Variants in SPPL3 observed in about 807,000 individuals in gnomAD.
The protein encoded by SPPL3 is signal peptide peptidase like 3.
Under a neutral mutation model 42.4 loss-of-function variants are expected in SPPL3, and 5 were observed. That is an observed-to-expected ratio of 0.12 (90% confidence interval 0.06 to 0.25). The LOEUF (loss-of-function observed/expected upper bound fraction) is 0.25. SPPL3 is among the 10% of genes least tolerant of loss of function. The probability of loss-of-function intolerance (pLI) is 1.00; values close to 1 mark genes in which losing one functional copy is unlikely to be tolerated. For missense variants in SPPL3, 235 were observed against 489.0 expected (o/e 0.48, Z 4.90); for synonymous variants, 195 against 181.8 (o/e 1.07, Z -0.58).
Position 120,766,194 on chromosome 12 carries a change from G to A in SPPL3, c.1083+69C>T, listed in dbSNP as rs544710836. 3.4e-5 allele frequency: 44 copies of A among 1,289,200 alleles called. 1 individual carries two copies. In the African/African-American group the frequency reaches 5.9e-4, roughly 17 times the overall value. 79.9% of individuals were successfully genotyped at this position (1,289,200 alleles called of 1,614,324 possible). On this transcript the variant is annotated intron_variant, in intron 10 of 10. Coordinates refer to ENST00000353487, the MANE Select transcript of SPPL3 (RefSeq NM_139015.5). The stretch of plus-strand genomic sequence containing the variant: ...CTTAAGCAGAATCACCTCCAGCGAG[G>A]AGAGTGCAAACCGAGGCACAGGCCA...
intron 2 of SPPL3, among the ~76,000 whole-genome samples, chr12:120,797,349 TTC>T (rs1592967370): frequency 6.6e-6 from 1 of 152,122 alleles, no homozygotes; most frequent in African/African-American, 2.4e-5. Flanking sequence ...TCAGAAATCT[TTC>T]TCTCTGCACC....
intron 3 of SPPL3, among the ~76,000 whole-genome samples, chr12:120,788,895 T>A (rs955162363): frequency 6.6e-6 from 1 of 152,250 alleles, no homozygotes. Flanking sequence ...TCTCTGTTCA[T>A]CTTTCTGGCT....
At chr12:120,843,373 C>T (rs888891036) in intron 1 of SPPL3, among the ~76,000 whole-genome samples, 2 of 152,192 alleles carry the variant, frequency 1.3e-5, no homozygotes, top group African/African-American at 4.8e-5. Flanking sequence ...ATCTACTCTA[C>T]TGAGAATGTG....
At chr12:120,797,973 T>G (rs1185815355) in intron 2 of SPPL3, among the ~76,000 whole-genome samples, 1 of 152,118 alleles carries the variant, frequency 6.6e-6, no homozygotes, top group African/African-American at 2.4e-5. Flanking sequence ...AAGCCTCAAT[T>G]AGAATGGGGG....
intron 1 of SPPL3, among the ~76,000 whole-genome samples, chr12:120,821,134 TG>T (rs1871053955): frequency 6.6e-6 from 1 of 152,242 alleles, no homozygotes; most frequent in Non-Finnish European, 1.5e-5. Context: ...AAAGATGATC[TG>T]GAGTAATTTT....
chr12:120,899,320 A>T (rs946063855), intron 1 of SPPL3, among the ~76,000 whole-genome samples: 1 of 152,188 alleles, frequency 6.6e-6, no homozygotes, highest in Non-Finnish European at 1.5e-5. Flanking sequence ...CTCTTTGATA[A>T]GTACTTGGGT....
chr12:120,802,379 GTATATATATACACATATA>G (rs1356181253), intron 2 of SPPL3, among the ~76,000 whole-genome samples: 32 of 130,698 alleles, frequency 2.4e-4, no homozygotes, highest in African/African-American at 6.5e-4. Flanking sequence ...ACATATATAT[GTATATATATACACATATA>G]TGTGTGTGTG....
chr12:120,854,640 T>C (rs1355794579), intron 1 of SPPL3, among the ~76,000 whole-genome samples: 2 of 152,208 alleles, frequency 1.3e-5, no homozygotes, highest in African/African-American at 4.8e-5. Context: ...TTAATAATAC[T>C]AAAAAGATTT....
rs370559913 is a variant in SPPL3 at position 120,762,844 on chromosome 12, G to C, written c.*2155C>G. On this transcript the variant is annotated 3_prime_UTR_variant, in exon 11 of 11. Coordinates refer to ENST00000353487, the MANE Select transcript of SPPL3 (RefSeq NM_139015.5). ...CCCAACCTTGTGATCCACCTGCCTC[G>C]GCCTCCCAAAGTGCTGGGATTACAG... The C allele has an allele frequency of 7.2e-5, 11 of 152,144 alleles. No homozygotes were observed. In the East Asian group the frequency reaches 2.1e-3, roughly 29 times the overall value. 9.4% of individuals were successfully genotyped at this position (152,144 alleles called of 1,614,324 possible).
At chr12:120,791,815 T>C (rs1869926007) in intron 2 of SPPL3, 1 of 383,056 alleles carries the variant, frequency 2.6e-6, no homozygotes, top group Non-Finnish European at 4.7e-6. Flanking sequence ...GCATATCATA[T>C]CCTTAATTAC....
intron 2 of SPPL3, among the ~76,000 whole-genome samples, chr12:120,802,536 C>T (rs1418962346): frequency 2.7e-5 from 4 of 150,420 alleles, no homozygotes; most frequent in Admixed American, 1.3e-4. Context: ...CCAGTTCAAG[C>T]GATTCTCCTG....
intron 1 of SPPL3, among the ~76,000 whole-genome samples, chr12:120,891,740 A>G (rs1453481316): frequency 2.2e-4 from 9 of 40,738 alleles, no homozygotes; most frequent in Non-Finnish European, 4.5e-4. Flanking sequence ...AAATTCTAAA[A>G]AAAAAAAAAA....
chr12:120,895,262 T>C (rs1287615674), intron 1 of SPPL3, among the ~76,000 whole-genome samples: 1 of 151,924 alleles, frequency 6.6e-6, no homozygotes, highest in Non-Finnish European at 1.5e-5. Flanking sequence ...ACTCCGTCTC[T>C]ACAAAAAATA....
intron 3 of SPPL3, among the ~76,000 whole-genome samples, chr12:120,787,706 T>C (rs542315245): frequency 3.3e-5 from 5 of 152,192 alleles, no homozygotes; most frequent in Admixed American, 6.6e-5. Flanking sequence ...ATCCTGACTT[T>C]TATGACACGT....
At chr12:120,768,627 T>C (rs1450519051) in intron 7 of SPPL3, 139 bp from the exon 8 acceptor site, 22 of 1,030,598 alleles carry the variant, frequency 2.1e-5, no homozygotes, top group Non-Finnish European at 2.9e-5. Flanking sequence ...TTTGAGAAAA[T>C]CTTTGCTCTT....
At chr12:120,819,317 T>A (rs1870978136) in intron 1 of SPPL3, among the ~76,000 whole-genome samples, 1 of 152,138 alleles carries the variant, frequency 6.6e-6, no homozygotes, top group Non-Finnish European at 1.5e-5. Flanking sequence ...ACATCATGCA[T>A]TGGTAATTTG....
At chr12:120,778,892 A>C (rs1054295563) in intron 6 of SPPL3, among the ~76,000 whole-genome samples, 2 of 152,176 alleles carry the variant, frequency 1.3e-5, no homozygotes, top group African/African-American at 2.4e-5. Flanking sequence ...CCAGAAAAAA[A>C]ATACAATCAT....
At chr12:120,839,336 C>T (rs1270906365) in intron 1 of SPPL3, among the ~76,000 whole-genome samples, 7 of 121,842 alleles carry the variant, frequency 5.7e-5, no homozygotes, top group African/African-American at 2.3e-4. Flanking sequence ...GGAAGGGGAA[C>T]ATCACACTCT....
At chr12:120,867,415 CCAG>C (rs1044975711) in intron 1 of SPPL3, among the ~76,000 whole-genome samples, 1 of 152,004 alleles carries the variant, frequency 6.6e-6, no homozygotes, top group African/African-American at 2.4e-5. Context: ...GCCTGTAATC[CCAG>C]CACTTTGGAA....
Sources: allele counts gnomAD v4.1 joint callset (sites outside exome capture counted in the v4.1 genomes callset), GRCh38; gene constraint gnomAD v4.1.1; transcripts MANE v1.5; gene names NCBI Gene and HGNC (gene_info 2026-07-23, HGNC 2026-07-21).